Variants in LTBP1 observed in about 807,000 individuals in gnomAD.
The protein encoded by LTBP1 is latent transforming growth factor beta binding protein 1.
Under a neutral mutation model 207.6 loss-of-function variants are expected in LTBP1, and 129 were observed. The ratio of observed to expected loss-of-function variants is 0.62; its 90% confidence interval spans 0.54 to 0.72. The LOEUF is 0.72. Among genes scored for constraint, LTBP1 ranks in the 30% least tolerant of loss-of-function variants. LTBP1 has a pLI of 0.00. For synonymous variants in LTBP1, 963 were observed against 833.7 expected (o/e 1.16, Z -2.67); for missense variants, 2,281 against 2,217.2 (o/e 1.03, Z -0.58).
chr2:33,279,873 A>T (rs566285196), intron 18 of LTBP1, among the ~76,000 whole-genome samples, 166 bp from the exon 19 acceptor site: 1 of 152,286 alleles, frequency 6.6e-6, no homozygotes, highest in East Asian at 1.9e-4. Context: ...ACCATGCATT[A>T]TTGCCATGTA....
intron 5 of LTBP1, among the ~76,000 whole-genome samples, chr2:33,174,294 C>T (rs1032974168): frequency 6.6e-6 from 1 of 151,116 alleles, no homozygotes; most frequent in Non-Finnish European, 1.5e-5. Context: ...AGCTGATAAG[C>T]AACTTCAGCA....
chr2:33,307,678 C>T (rs1210132621), intron 22 of LTBP1, among the ~76,000 whole-genome samples: 1 of 152,188 alleles, frequency 6.6e-6, no homozygotes, highest in Non-Finnish European at 1.5e-5. Flanking sequence ...GTACATTATA[C>T]TTCAGTAAAG....
chr2:32,974,607 T>C (rs1681423325), intron 2 of LTBP1, among the ~76,000 whole-genome samples: 1 of 152,186 alleles, frequency 6.6e-6, no homozygotes. Flanking sequence ...CATTTTGCTT[T>C]GGTTGTTTAT....
intron 5 of LTBP1, among the ~76,000 whole-genome samples, chr2:33,169,014 G>C (rs552950982): frequency 1.3e-5 from 2 of 152,344 alleles, no homozygotes; most frequent in East Asian, 3.9e-4. Context: ...GGAGCCATGG[G>C]AAAGTAATGA....
intron 2 of LTBP1, among the ~76,000 whole-genome samples, chr2:32,999,087 T>C (rs557315742): frequency 6.6e-6 from 1 of 152,310 alleles, no homozygotes; most frequent in East Asian, 1.9e-4. Flanking sequence ...CTCCCTGTGA[T>C]TCTGTTGCTT....
chr2:33,335,097 A>G (rs2094539842), intron 24 of LTBP1, among the ~76,000 whole-genome samples: 1 of 151,828 alleles, frequency 6.6e-6, no homozygotes, highest in South Asian at 2.1e-4. Flanking sequence ...TAGTGTGGGC[A>G]ACAGAGTGAG....
At position 33,059,199 on chromosome 2, in the gene LTBP1, T is replaced by G. The variant is rs147524130; in HGVS notation, c.863+37993T>G. On this transcript the variant is annotated intron_variant, in intron 3 of 33. Coordinates refer to ENST00000404816, the MANE Select transcript of LTBP1 (RefSeq NM_206943.4). Reference sequence around the variant, plus strand: ...GATGGATTTGCTATTTTGTGTCCTATTAAGTATAAAATGTGACCATATATT... The same window carrying G: ...GATGGATTTGCTATTTTGTGTCCTAGTAAGTATAAAATGTGACCATATATT... Among the ~76,000 whole-genome samples the G allele has an allele frequency of 4.1e-3, 627 of 152,322 alleles. 7 individuals are homozygous for G. Among genetic ancestry groups the G allele is most frequent in the African/African-American group, 0.014 (578 of 41,580 alleles).
intron 31 of LTBP1, among the ~76,000 whole-genome samples, chr2:33,377,362 A>G (rs1288722345): frequency 6.6e-6 from 1 of 152,250 alleles, no homozygotes; most frequent in Non-Finnish European, 1.5e-5. Context: ...ACCAGCCATT[A>G]GAGAACAGTT....
intron 3 of LTBP1, among the ~76,000 whole-genome samples, chr2:33,081,361 A>G (rs2078386247): frequency 6.6e-6 from 1 of 152,128 alleles, no homozygotes; most frequent in Non-Finnish European, 1.5e-5. Context: ...CTATACACAG[A>G]TATACATATA....
intron 3 of LTBP1, among the ~76,000 whole-genome samples, chr2:33,026,761 T>C (rs2149276078): frequency 6.6e-6 from 1 of 152,354 alleles, no homozygotes; most frequent in South Asian, 2.1e-4. Context: ...TTTATCGTGT[T>C]ATACATATTT....
chr2:33,160,822 C>T (rs889864925), intron 5 of LTBP1, among the ~76,000 whole-genome samples: 2 of 152,250 alleles, frequency 1.3e-5, no homozygotes, highest in South Asian at 2.1e-4. Flanking sequence ...GCTGAGAATT[C>T]GGAGATGACA....
chr2:33,231,027 C>A (rs965288421), intron 9 of LTBP1, among the ~76,000 whole-genome samples: 1 of 152,120 alleles, frequency 6.6e-6, no homozygotes, highest in Admixed American at 6.5e-5. Flanking sequence ...ACTCAGTATT[C>A]CACAAACATT....
chr2:33,291,089 G>C (rs1196243210), intron 19 of LTBP1, among the ~76,000 whole-genome samples: 1 of 152,140 alleles, frequency 6.6e-6, no homozygotes, highest in Non-Finnish European at 1.5e-5. Flanking sequence ...TATCTACGGT[G>C]ATTGGCTTGA....
In LTBP1 at chr2:32,950,426, T is replaced by G. The variant is rs183441068; in HGVS notation, c.565+1481T>G. ...ACAAAAAAATTAGCCAGGTGTGGTG[T>G]TGTGTGCCTGTAATCCCAGCTACTG... is the stretch of plus-strand genomic sequence containing the variant. On this transcript the variant is annotated intron_variant, in intron 2 of 33. Transcript: ENST00000404816. Among the ~76,000 whole-genome samples the G allele has an allele frequency of 3.9e-3, 591 of 151,824 alleles. 1 individual carries two copies. Among genetic ancestry groups the G allele is most frequent in the African/African-American group, 0.013 (556 of 41,400 alleles).
chr2:33,330,467 G>A (rs111390600), intron 24 of LTBP1, among the ~76,000 whole-genome samples: 72 of 151,426 alleles, frequency 4.8e-4, no homozygotes, highest in African/African-American at 1.7e-3. Flanking sequence ...CATTTAATAT[G>A]ATGCTTGCCA....
chr2:33,243,655 C>A lies in LTBP1; in HGVS notation c.1877-7C>A. ...TGCTCCTTCTAAAGAATTGTGTTTT[C>A]CTGCAGATATTAATGAATGTCAGCT... On this transcript the variant is annotated splice_polypyrimidine_tract_variant and splice_region_variant and intron_variant, in intron 9 of 33. Transcript: ENST00000404816. The A allele has an allele frequency of 6.2e-7, 1 of 1,613,124 alleles. No homozygotes were observed. Among genetic ancestry groups the A allele is most frequent in the Non-Finnish European group, 8.5e-7 (1 of 1,179,494 alleles).
intron 3 of LTBP1, among the ~76,000 whole-genome samples, chr2:33,099,567 T>C (rs2079591304): frequency 6.6e-6 from 1 of 152,238 alleles, no homozygotes; most frequent in South Asian, 2.1e-4. Context: ...TAGAGTCCTG[T>C]ACTTCATAAA....
At chr2:33,230,444 A>T (rs888418795) in intron 9 of LTBP1, among the ~76,000 whole-genome samples, 23 of 152,316 alleles carry the variant, frequency 1.5e-4, no homozygotes, top group Non-Finnish European at 2.8e-4. Flanking sequence ...ATGGAGCTCC[A>T]AAACAGCCTT....
Position 33,209,813 on chromosome 2 carries a change from C to T in LTBP1, c.1702-7739C>T, listed in dbSNP as rs1419255041. On this transcript the variant is annotated intron_variant, in intron 7 of 33. Coordinates refer to ENST00000404816, the MANE Select transcript of LTBP1 (RefSeq NM_206943.4). ...GGAGCCTGGGGGAAGAGATCTAATA[C>T]AAGCCCAGTGGGGCTTGGCCATATG... Among the ~76,000 whole-genome samples, 3 of 152,288 alleles carry T rather than the reference C, an allele frequency of 2.0e-5. No individual in the cohort carries two copies. The East Asian group carries it at 5.8e-4, about 29-fold the overall frequency.
Sources: allele counts gnomAD v4.1 joint callset (sites outside exome capture counted in the v4.1 genomes callset), GRCh38; gene constraint gnomAD v4.1.1; transcripts MANE v1.5; gene names NCBI Gene and HGNC (gene_info 2026-07-23, HGNC 2026-07-21).